The following ZNF277 variants were observed in gnomAD, a reference collection of about 807,000 sequenced individuals.
The protein encoded by ZNF277 is zinc finger protein 277.
In ZNF277, 55 loss-of-function variants were observed where a neutral mutation model predicts 60.7. The observed-to-expected ratio is 0.91, with a 90% CI of 0.73 to 1.13. The LOEUF is 1.13. ZNF277 is among the 50% of genes most tolerant of loss of function. ZNF277 has a pLI of 0.00. For missense variants in ZNF277, 510 were observed against 523.0 expected, an observed-to-expected ratio of 0.98 and a Z score of 0.24; for synonymous variants, 178 against 179.3, an observed-to-expected ratio of 0.99 and a Z score of 0.06.
intron 5 of ZNF277, among the ~76,000 whole-genome samples, chr7:112,323,327 GC>G (rs1225317709): frequency 6.6e-6 from 1 of 152,174 alleles, no homozygotes; most frequent in Non-Finnish European, 1.5e-5. Context: ...AATTAGTATT[GC>G]CTCAGGCAGC....
intron 4 of ZNF277, among the ~76,000 whole-genome samples, chr7:112,298,988 G>T (rs1477327892): frequency 6.6e-6 from 1 of 152,162 alleles, no homozygotes; most frequent in Non-Finnish European, 1.5e-5. Context: ...GGTCTGACAA[G>T]TCTGTGTAGG....
At chr7:112,313,037 G>A (rs1792766870) in intron 4 of ZNF277, among the ~76,000 whole-genome samples, 1 of 151,942 alleles carries the variant, frequency 6.6e-6, no homozygotes, top group South Asian at 2.1e-4. Flanking sequence ...AAAGTACTTT[G>A]TAGACTAAAC....
chr7:112,327,391 C>T (rs1195824263), intron 5 of ZNF277, among the ~76,000 whole-genome samples: 7 of 152,158 alleles, frequency 4.6e-5, no homozygotes, highest in South Asian at 2.1e-4. Flanking sequence ...CTCACTTTCC[C>T]GCCTCTCACC....
chr7:112,281,088 C>T (rs368245056), intron 1 of ZNF277, among the ~76,000 whole-genome samples: 2 of 152,148 alleles, frequency 1.3e-5, no homozygotes, highest in East Asian at 1.9e-4. Context: ...TAAGCCTTGC[C>T]GCAAGGCCAT....
chr7:112,308,199 T>C (rs984735875), intron 4 of ZNF277, among the ~76,000 whole-genome samples: 1 of 152,000 alleles, frequency 6.6e-6, no homozygotes, highest in Non-Finnish European at 1.5e-5. Context: ...GCTAACACTT[T>C]ACTTAAAATT....
intron 1 of ZNF277, among the ~76,000 whole-genome samples, chr7:112,261,951 T>C (rs1490399560): frequency 2.0e-5 from 3 of 152,148 alleles, no homozygotes; most frequent in Non-Finnish European, 2.9e-5. Flanking sequence ...GTTTAGTTTT[T>C]AAAGCACTTT....
chr7:112,226,613 T>C (rs1309858364), intron 1 of ZNF277, among the ~76,000 whole-genome samples: 1 of 152,222 alleles, frequency 6.6e-6, no homozygotes, highest in Non-Finnish European at 1.5e-5. Flanking sequence ...AAGCCTGTGC[T>C]TCTTATTAAG....
At chr7:112,237,447 A>G (rs1587103708) in intron 1 of ZNF277, among the ~76,000 whole-genome samples, 1 of 152,252 alleles carries the variant, frequency 6.6e-6, no homozygotes, top group East Asian at 1.9e-4. Flanking sequence ...AAAGATAAAG[A>G]AAATTCATAG....
rs537058322 is a variant in ZNF277, at chr7:112,342,809, A to G, written c.*80A>G. On this transcript the variant is annotated 3_prime_UTR_variant, in exon 12 of 12. Transcript: ENST00000361822. Reference sequence around the variant, plus strand: ...TCCTATGAGACAGATATGAAAGAACAATTTAAATTTGAACATCAACAAAAG... The same window carrying G: ...TCCTATGAGACAGATATGAAAGAACGATTTAAATTTGAACATCAACAAAAG... 3.4e-6 allele frequency: 4 copies of G among 1,164,898 alleles called. No homozygotes were observed. Among genetic ancestry groups the G allele is most frequent in the Non-Finnish European group, 3.4e-6 (3 of 889,108 alleles). The allele number at this position is 1,164,898 out of a possible 1,614,324, so 72.2% of individuals were successfully genotyped here. A position where few individuals can be genotyped will look rare whatever the true frequency, so the allele number is the denominator to read the frequency against.
At chr7:112,271,009 A>G (rs1791657128) in intron 1 of ZNF277, among the ~76,000 whole-genome samples, 1 of 152,182 alleles carries the variant, frequency 6.6e-6, no homozygotes. Context: ...TGATTCATAC[A>G]TACTGTTAGG....
At chr7:112,301,925 A>C (rs1474931179) in intron 4 of ZNF277, among the ~76,000 whole-genome samples, 1 of 152,124 alleles carries the variant, frequency 6.6e-6, no homozygotes, top group Non-Finnish European at 1.5e-5. Flanking sequence ...CTGATTAACA[A>C]GGATACAATA....
chr7:112,283,993 G>A (rs921558563), intron 1 of ZNF277, among the ~76,000 whole-genome samples: 2 of 152,160 alleles, frequency 1.3e-5, no homozygotes, highest in African/African-American at 4.8e-5. Context: ...ATGCCATTTG[G>A]TACAGGGAGC....
intron 4 of ZNF277, among the ~76,000 whole-genome samples, chr7:112,296,893 TTTA>T (rs1792351817): frequency 2.2e-5 from 1 of 46,028 alleles, no homozygotes; most frequent in Non-Finnish European, 3.6e-5. Context: ...TTTTATTTTA[TTTA>T]TTTATTTATT....
intron 5 of ZNF277, among the ~76,000 whole-genome samples, chr7:112,318,637 A>C (rs1584406565): frequency 6.6e-6 from 1 of 152,084 alleles, no homozygotes; most frequent in Non-Finnish European, 1.5e-5. Context: ...TAAAGACATA[A>C]AAAAGAAGTG....
At chr7:112,335,320 G>A (rs1793308380) in intron 7 of ZNF277, among the ~76,000 whole-genome samples, 1 of 152,086 alleles carries the variant, frequency 6.6e-6, no homozygotes, top group African/African-American at 2.4e-5. Context: ...CTTTTGCATG[G>A]CACAATGGGA....
chr7:112,238,213 G>T (rs746186105), intron 1 of ZNF277, among the ~76,000 whole-genome samples: 4 of 152,230 alleles, frequency 2.6e-5, no homozygotes, highest in Non-Finnish European at 5.9e-5. Flanking sequence ...CCATCTCTCA[G>T]CAGTGGCAGC....
chr7:112,338,061 C>G (rs1793367855), intron 9 of ZNF277, among the ~76,000 whole-genome samples: 1 of 152,162 alleles, frequency 6.6e-6, no homozygotes, highest in Non-Finnish European at 1.5e-5. Context: ...GCCATCTCAC[C>G]TTTGAGATGC....
chr7:112,234,505 G>A (rs189369829), intron 1 of ZNF277, among the ~76,000 whole-genome samples: 92 of 152,204 alleles, frequency 6.0e-4, no homozygotes, highest in African/African-American at 1.9e-3. Context: ...ACCTCCCAAA[G>A]GTCCTACATC....
At chr7:112,319,718 A>G (rs1049372848) in intron 5 of ZNF277, among the ~76,000 whole-genome samples, 14 of 149,206 alleles carry the variant, frequency 9.4e-5, no homozygotes, top group Admixed American at 1.3e-4. Flanking sequence ...TATAAATTAT[A>G]AAAGAGTTTA....
Sources: gnomAD v4.1 joint callset for allele counts (sites outside exome capture counted in the v4.1 genomes callset) on GRCh38, gnomAD v4.1.1 for gene constraint, MANE v1.5 for transcripts, NCBI Gene and HGNC (gene_info 2026-07-23, HGNC 2026-07-21) for gene names.